The following TLE2 variants were observed in gnomAD, a reference collection of about 807,000 sequenced individuals.
The protein encoded by TLE2 is transducin-like enhancer protein 2.
In TLE2, 74 loss-of-function variants were observed where a neutral mutation model predicts 97.2. The observed-to-expected ratio is 0.76, with a 90% CI of 0.63 to 0.92. TLE2 has a LOEUF of 0.92. Among genes scored for constraint, TLE2 ranks in the 40% least tolerant of loss-of-function variants. The probability of loss-of-function intolerance (pLI) is 0.00; values close to 1 mark genes in which losing one functional copy is unlikely to be tolerated. For synonymous variants in TLE2, 499 were observed against 432.1 expected (o/e 1.15, Z -1.92); for missense variants, 1,038 against 1,008.7 (o/e 1.03, Z -0.39).
intron 5 of TLE2, among the ~76,000 whole-genome samples, chr19:3,021,854 A>G (rs1409314830): frequency 1.2e-4 from 18 of 152,170 alleles, no homozygotes; most frequent in Non-Finnish European, 1.5e-5. Context: ...AAGTGCTGGT[A>G]TTACAGGTGT....
rs535279551 is a variant in TLE2, at chr19:3,023,279, G to A, written c.294+1741C>T. On this transcript the variant is annotated intron_variant, in intron 5 of 19. Transcript: ENST00000262953. ...TCTCAAACTCCTGACCTCATGACCC[G>A]CACGCCTTGGCCTCCCAAAGTGCTG... 7.9e-5 allele frequency among the ~76,000 whole-genome samples: 12 copies of A among 152,154 alleles called. No individual in the cohort carries two copies. The South Asian group carries it at 1.5e-3, about 18-fold the overall frequency.
chr19:3,002,589 A>G, intron 17 of TLE2, 86 bp from the exon 18 acceptor site: 1 of 1,489,540 alleles, frequency 6.7e-7, no homozygotes, highest in Non-Finnish European at 9.0e-7. Context: ...CCCAGGCTGG[A>G]GTGCAGTGGC....
At chr19:3,017,587 A>G (rs2089739695) in intron 8 of TLE2, among the ~76,000 whole-genome samples, 1 of 151,574 alleles carries the variant, frequency 6.6e-6, no homozygotes, top group Admixed American at 6.6e-5. Flanking sequence ...AGTAGCTGAC[A>G]CAACAGGCAT....
intron 5 of TLE2, among the ~76,000 whole-genome samples, chr19:3,021,089 A>C (rs1320000902): frequency 1.0e-4 from 3 of 29,250 alleles, no homozygotes; most frequent in African/African-American, 3.4e-4. Flanking sequence ...ACCCAGTCTC[A>C]AAAAAAAAAA....
chr19:3,000,257 A>G (rs1224163023), intron 19 of TLE2, among the ~76,000 whole-genome samples: 1 of 150,356 alleles, frequency 6.7e-6, no homozygotes, highest in Non-Finnish European at 1.5e-5. Context: ...TATTTTTTTT[A>G]GTAGAGACGG....
chr19:3,025,547 T>G, intron 4 of TLE2: 2 of 988,794 alleles, frequency 2.0e-6, no homozygotes, highest in Non-Finnish European at 2.4e-6. Context: ...TTCCCAGGAC[T>G]GATCTACCAG....
chr19:3,005,282 G>A (rs2089448785), intron 17 of TLE2, among the ~76,000 whole-genome samples, 155 bp downstream of exon 17: 3 of 152,128 alleles, frequency 2.0e-5, no homozygotes, highest in African/African-American at 7.2e-5. Context: ...TACAGGGGAA[G>A]CCTGTGGATG....
chr19:3,028,664 G>A lies in TLE2; in HGVS notation c.122+42C>T, dbSNP rs758561982. The A allele has an allele frequency of 3.7e-6, 6 of 1,603,988 alleles. No individual in the cohort carries two copies. The East Asian group carries it at 1.1e-4, about 30-fold the overall frequency. ...CCCGGAGGCCTCGCCCCGCCCCGGCGCCCAGGTGAACTCCCGCGGCCCCTG... is the reference window on the plus strand; with the variant it reads ...CCCGGAGGCCTCGCCCCGCCCCGGCACCCAGGTGAACTCCCGCGGCCCCTG... On this transcript the variant is annotated intron_variant, in intron 2 of 19. Transcript: ENST00000262953.
chr19:3,023,710 T>C (rs1043558925), intron 5 of TLE2, among the ~76,000 whole-genome samples: 1 of 151,618 alleles, frequency 6.6e-6, no homozygotes. Flanking sequence ...CCGGGCAACA[T>C]AGGGAGACCC....
chr19:3,038,948 C>G (rs1298791746), intron 1 of TLE2, among the ~76,000 whole-genome samples: 3 of 151,814 alleles, frequency 2.0e-5, no homozygotes, highest in African/African-American at 7.3e-5. Context: ...GAGGCTGAGG[C>G]AGGAGAATCG....
chr19:3,007,370 A>G (rs216282), intron 14 of TLE2, among the ~76,000 whole-genome samples: 128,625 of 152,140 alleles, frequency 0.85, 54,768 homozygotes, highest in East Asian at 0.95. Context: ...GATTACAGGC[A>G]TGAGCCACCG....
chr19:3,010,222 G>A (rs1220375560), intron 12 of TLE2, among the ~76,000 whole-genome samples: 11 of 151,738 alleles, frequency 7.2e-5, no homozygotes, highest in African/African-American at 2.4e-4. Flanking sequence ...AAATTAGCTG[G>A]GCATGGTGGT....
At position 3,006,318 on chromosome 19, in the gene TLE2, C is replaced by A. The variant is rs1207114694; in HGVS notation, c.1500+102G>T. On this transcript the variant is annotated intron_variant, in intron 15 of 19. Coordinates refer to ENST00000262953, the MANE Select transcript of TLE2 (RefSeq NM_003260.5). ...CCTCACCTATAAGCCCCGCCCTTCA[C>A]CTGTAGCCCCACCCACGGCCAGCCT... 37 of 1,498,024 alleles carry A rather than the reference C, an allele frequency of 2.5e-5. No homozygotes were observed. In the Admixed American group the frequency reaches 2.8e-4, roughly 11 times the overall value. 92.8% of individuals were successfully genotyped at this position (1,498,024 alleles called of 1,614,324 possible).
At chr19:3,008,067 G>A (rs2089513132) in intron 14 of TLE2, among the ~76,000 whole-genome samples, 1 of 151,576 alleles carries the variant, frequency 6.6e-6, no homozygotes, top group Non-Finnish European at 1.5e-5. Flanking sequence ...GGGGGACAGA[G>A]CGAAACTCAG....
intron 1 of TLE2, among the ~76,000 whole-genome samples, chr19:3,036,593 C>T (rs2090065044): frequency 6.6e-6 from 1 of 152,378 alleles, no homozygotes; most frequent in Non-Finnish European, 1.5e-5. Context: ...GCCTCAGCTC[C>T]CCGCCACGCT....
intron 17 of TLE2, among the ~76,000 whole-genome samples, chr19:3,002,824 A>G (rs1013145313): frequency 5.5e-4 from 83 of 152,094 alleles, no homozygotes; most frequent in African/African-American, 1.8e-3. Context: ...TCAGCCTCCA[A>G]AGTAGCTGGG....
rs1599254400 is a variant in TLE2, at chr19:3,036,686, G to A, written c.64-7883C>T. 3.3e-5 allele frequency among the ~76,000 whole-genome samples: 5 copies of A among 152,188 alleles called. No homozygotes were observed. The South Asian group carries it at 1.0e-3, about 32-fold the overall frequency. On this transcript the variant is annotated intron_variant, in intron 1 of 18. Coordinates refer to the TLE2 transcript ENST00000426948. ...GGAGCCATCTCCCTAGAACCTCCAG[G>A]GCCTCTCTTTGAGCCTCAGTTTACC...
chr19:3,007,575 A>G (rs2089504523), intron 14 of TLE2, among the ~76,000 whole-genome samples: 1 of 152,140 alleles, frequency 6.6e-6, no homozygotes, highest in Non-Finnish European at 1.5e-5. Context: ...AGGCAGGACA[A>G]TGTGGTCAAA....
In TLE2 at chr19:3,019,733, T is replaced by G; in HGVS notation, c.335A>C (p.Gln112Pro). The change falls in exon 6 of 20, where the codon CAG becomes CCG. Residue 112 changes from glutamine (Q) to proline (P), a missense_variant. Gln to Pro is a moderately conservative substitution (Grantham distance 76). Transcript: ENST00000262953. This position sits in a 1 kb window ranked among gnomAD's most constrained non-coding sequence, Gnocchi z 5.1. Reference sequence around the variant, plus strand: ...GCTGTTCAGCTCCCCCACGGTGACCTGCTTGGCGCGTTCTACGGCCTGGAG... The same window carrying G: ...GCTGTTCAGCTCCCCCACGGTGACCGGCTTGGCGCGTTCTACGGCCTGGAG... ...QVLQAVERAK[Q>P]VTVGELNSLI... 1.9e-6 allele frequency: 3 copies of G among 1,613,038 alleles called. No homozygotes were observed. The highest frequency in any genetic ancestry group is 2.5e-6 in the Non-Finnish European group (3 of 1,179,580).
Sources: gnomAD v4.1 joint callset for allele counts (sites outside exome capture counted in the v4.1 genomes callset) on GRCh38, gnomAD v4.1.1 for gene constraint, Gnocchi (gnomAD v3.1) non-coding constraint, MANE v1.5 for transcripts, NCBI Gene and HGNC (gene_info 2026-07-23, HGNC 2026-07-21) for gene names.